Variants in KAZN observed in about 807,000 individuals in gnomAD.
KAZN encodes the protein kazrin, periplakin interacting protein, also known as kazrin.
In KAZN, 40 loss-of-function variants were observed where a neutral mutation model predicts 87.4. The ratio of observed to expected loss-of-function variants is 0.46; its 90% confidence interval spans 0.36 to 0.60. The LOEUF is 0.60. Among genes scored for constraint, KAZN ranks in the 20% least tolerant of loss-of-function variants. KAZN has a pLI of 0.00. For missense variants in KAZN, 898 were observed against 1,073.9 expected (o/e 0.84, Z 2.29); for synonymous variants, 466 against 458.3 (o/e 1.02, Z -0.22).
chr1:15,106,634 A>G (rs1328219254), intron 13 of KAZN, among the ~76,000 whole-genome samples: 2 of 152,144 alleles, frequency 1.3e-5, no homozygotes, highest in African/African-American at 2.4e-5. Flanking sequence ...GAACCTCTCA[A>G]TGATAAGATA....
intron 1 of KAZN, among the ~76,000 whole-genome samples, chr1:13,998,098 C>T (rs4662068): frequency 0.76 from 115,244 of 152,188 alleles, 44,058 homozygotes; most frequent in African/African-American, 0.81. Flanking sequence ...AATTTTCAAC[C>T]CAGAATTTCA....
intron 1 of KAZN, among the ~76,000 whole-genome samples, 178 bp from the exon 2 acceptor site, chr1:14,960,506 G>C (rs1663713803): frequency 6.6e-6 from 1 of 152,176 alleles, no homozygotes; most frequent in Admixed American, 6.5e-5. Flanking sequence ...TGTGGGTGGG[G>C]CCTAGAATTG....
At chr1:15,110,340 ATGTGTGTATGTT>A (rs1222828013) in intron 13 of KAZN, among the ~76,000 whole-genome samples, 1 of 146,078 alleles carries the variant, frequency 6.8e-6, no homozygotes, top group Non-Finnish European at 1.5e-5. Context: ...CATATTGTAT[ATGTGTGTATGTT>A]TGTGTGTATG....
chr1:14,948,572 G>A (rs948899229), intron 1 of KAZN, among the ~76,000 whole-genome samples: 1 of 152,312 alleles, frequency 6.6e-6, no homozygotes, highest in African/African-American at 2.4e-5. Context: ...GACAGTGGGG[G>A]CTCCTGAAAG....
At chr1:14,239,523 C>T (rs1648745000) in intron 2 of KAZN, among the ~76,000 whole-genome samples, 1 of 138,936 alleles carries the variant, frequency 7.2e-6, no homozygotes, top group Non-Finnish European at 1.5e-5. Context: ...TGCAATGGCG[C>T]AATCTCGGCT....
At chr1:14,128,534 G>A (rs1228668689) in intron 1 of KAZN, among the ~76,000 whole-genome samples, 1 of 152,102 alleles carries the variant, frequency 6.6e-6, no homozygotes, top group Non-Finnish European at 1.5e-5. Context: ...TCTTCACATG[G>A]CTGTTTCTCT....
chr1:13,913,100 A>G (rs915058515), intron 1 of KAZN, among the ~76,000 whole-genome samples: 13 of 152,090 alleles, frequency 8.5e-5, no homozygotes, highest in African/African-American at 2.7e-4. Flanking sequence ...CCTAATGTTA[A>G]TATTGAACTG....
chr1:14,877,540 C>T lies in KAZN; in HGVS notation c.227-83144C>T, dbSNP rs145509907. Among the ~76,000 whole-genome samples the T allele has an allele frequency of 1.3e-3, 205 of 152,258 alleles. 1 individual carries two copies. The highest frequency in any genetic ancestry group is 4.2e-3 in the African/African-American group (176 of 41,536). Reference sequence around the variant, plus strand: ...CTCCAAAGGTGGAGTGTGAAATAGACACACAACACAGGGTCACCACAAGTC... The same window carrying T: ...CTCCAAAGGTGGAGTGTGAAATAGATACACAACACAGGGTCACCACAAGTC... On this transcript the variant is annotated intron_variant, in intron 1 of 14. Transcript: ENST00000376030.
At chr1:14,955,673 G>C (rs1572913186) in intron 1 of KAZN, among the ~76,000 whole-genome samples, 1 of 152,226 alleles carries the variant, frequency 6.6e-6, no homozygotes, top group African/African-American at 2.4e-5. Flanking sequence ...AGGTACACCT[G>C]TTAGGAAGGT....
At chr1:14,878,729 G>A (rs934933175) in intron 1 of KAZN, among the ~76,000 whole-genome samples, 15 of 152,148 alleles carry the variant, frequency 9.9e-5, no homozygotes, top group African/African-American at 2.2e-4. Context: ...CACCTTTTGC[G>A]GCCTCTTGTC....
chr1:15,063,667 C>T (rs1407685821), intron 7 of KAZN, 45 bp downstream of exon 7: 1 of 1,468,302 alleles, frequency 6.8e-7, no homozygotes, highest in Non-Finnish European at 9.5e-7. Context: ...CTCCACCCCA[C>T]CTTGACTACA....
chr1:14,202,106 C>T lies in KAZN; in HGVS notation c.249+21514C>T, dbSNP rs923397785. ...AAGTATCAACATCATTCCCATGTTTCAGATGGAAACTAGAGCAAGATGGGG... is the reference window on the plus strand; with the variant it reads ...AAGTATCAACATCATTCCCATGTTTTAGATGGAAACTAGAGCAAGATGGGG... On this transcript the variant is annotated intron_variant, in intron 2 of 16. Transcript: ENST00000636203. Among the ~76,000 whole-genome samples, 5 of 152,324 alleles carry T rather than the reference C, an allele frequency of 3.3e-5. No individual in the cohort carries two copies. In the East Asian group the frequency reaches 9.6e-4, roughly 29 times the overall value.
chr1:14,622,461 C>T (rs10927472), intron 1 of KAZN, among the ~76,000 whole-genome samples: 30,856 of 151,714 alleles, frequency 0.2, 3,511 homozygotes, highest in East Asian at 0.26. Context: ...GAGGCCGAGG[C>T]GGGCGGATCA....
At chr1:14,264,211 G>C (rs1651301763) in intron 2 of KAZN, among the ~76,000 whole-genome samples, 1 of 152,128 alleles carries the variant, frequency 6.6e-6, no homozygotes, top group Admixed American at 6.5e-5. Flanking sequence ...CTGCTTCTGA[G>C]CTCATTCAGG....
intron 1 of KAZN, among the ~76,000 whole-genome samples, chr1:13,985,243 A>T (rs1339376333): frequency 6.6e-6 from 1 of 151,898 alleles, no homozygotes; most frequent in Non-Finnish European, 1.5e-5. Flanking sequence ...TTTAGGGTAC[A>T]TGTGCACAAT....
At chr1:14,110,553 C>A (rs547916925) in intron 1 of KAZN, among the ~76,000 whole-genome samples, 25 of 152,284 alleles carry the variant, frequency 1.6e-4, no homozygotes, top group Admixed American at 1.6e-3. Flanking sequence ...ACTTCTATTG[C>A]ATATCTATCT....
At chr1:13,997,430 G>A (rs763505743) in intron 1 of KAZN, among the ~76,000 whole-genome samples, 12 of 151,904 alleles carry the variant, frequency 7.9e-5, no homozygotes, top group East Asian at 1.9e-4. Flanking sequence ...GCTGAGCTAC[G>A]GGGGCATATT....
rs561140569 is a variant in KAZN, at chr1:14,805,565, C to A, written c.227-155119C>A. On this transcript the variant is annotated intron_variant, in intron 1 of 14. Coordinates refer to ENST00000376030, the MANE Select transcript of KAZN (RefSeq NM_201628.3). ...CCTGAGGTCAGGAGTTCGAGACCAG[C>A]CTGACCAACATGGTAAAACCCGTCT... Among the ~76,000 whole-genome samples, 5 of 152,202 alleles carry A rather than the reference C, an allele frequency of 3.3e-5. 1 individual carries two copies. Among genetic ancestry groups the A allele is most frequent in the African/African-American group, 1.2e-4 (5 of 41,520 alleles).
At chr1:14,788,808 C>T (rs114460977) in intron 1 of KAZN, among the ~76,000 whole-genome samples, 1,715 of 152,112 alleles carry the variant, frequency 0.011, 34 homozygotes, top group African/African-American at 0.039. Flanking sequence ...CACTTGTACA[C>T]GTAGGAGGTC....
Sources: gnomAD v4.1 joint callset for allele counts (sites outside exome capture counted in the v4.1 genomes callset) on GRCh38, gnomAD v4.1.1 for gene constraint, MANE v1.5 for transcripts, NCBI Gene and HGNC (gene_info 2026-07-23, HGNC 2026-07-21) for gene names.